The following SPEF2 variants were observed in gnomAD, a reference collection of about 807,000 sequenced individuals.
SPEF2 encodes the protein sperm flagella and cilia-associated protein 2.
A neutral mutation model predicts 224.6 loss-of-function variants in SPEF2; 187 were observed. The ratio of observed to expected loss-of-function variants is 0.83; its 90% confidence interval spans 0.74 to 0.94. The LOEUF (loss-of-function observed/expected upper bound fraction) is 0.94, where lower values mean the gene tolerates loss of function less well. SPEF2 is among the 40% of genes least tolerant of loss of function. The probability of loss-of-function intolerance (pLI) is 0.00; values close to 1 mark genes in which losing one functional copy is unlikely to be tolerated. For synonymous variants in SPEF2, 715 were observed against 707.3 expected, an observed-to-expected ratio of 1.01 and a Z score of -0.17; for missense variants, 2,170 against 2,135.6, an observed-to-expected ratio of 1.02 and a Z score of -0.32.
At chr5:35,769,148 T>A (rs1343100586) in intron 26 of SPEF2, among the ~76,000 whole-genome samples, 5 of 152,108 alleles carry the variant, frequency 3.3e-5, no homozygotes, top group African/African-American at 1.2e-4. Context: ...ACAATTATGA[T>A]GCATAATTAT....
chr5:35,742,801 T>C (rs1413410894), intron 23 of SPEF2, among the ~76,000 whole-genome samples: 1 of 151,856 alleles, frequency 6.6e-6, no homozygotes, highest in Non-Finnish European at 1.5e-5. Flanking sequence ...ATATTCCCAG[T>C]TTGATGTTTG....
intron 30 of SPEF2, 106 bp from the exon 31 acceptor site, chr5:35,792,234 A>G: frequency 1.5e-6 from 1 of 679,434 alleles, no homozygotes. Flanking sequence ...ATTTTATATA[A>G]TATGAATAAA....
intron 8 of SPEF2, among the ~76,000 whole-genome samples, chr5:35,661,254 T>TTATATATATATATATATATA (rs550178866): frequency 1.1e-5 from 1 of 93,996 alleles, no homozygotes; most frequent in Non-Finnish European, 2.2e-5. Context: ...TTGGTATATA[T>TTATATATATATATATATATA]TATATATATA....
chr5:35,689,706 CTA>C (rs1754168819), intron 10 of SPEF2, among the ~76,000 whole-genome samples: 2 of 152,270 alleles, frequency 1.3e-5, no homozygotes, highest in South Asian at 4.2e-4. Context: ...TGGCTGTGCA[CTA>C]TTCCATGGTA....
At chr5:35,803,825 A>G (rs905322399) in intron 34 of SPEF2, among the ~76,000 whole-genome samples, 1 of 152,222 alleles carries the variant, frequency 6.6e-6, no homozygotes, top group Non-Finnish European at 1.5e-5. Flanking sequence ...CCAGCATTTC[A>G]TTCTTCTTTA....
intron 20 of SPEF2, among the ~76,000 whole-genome samples, chr5:35,721,663 T>C (rs994494450): frequency 6.6e-6 from 1 of 152,176 alleles, no homozygotes. Flanking sequence ...TTAAAAAAAG[T>C]ATTTGATCCA....
Position 35,769,999 on chromosome 5 carries a change from G to C in SPEF2, c.3802-1610G>C, listed in dbSNP as rs1270446296. Reference sequence around the variant, plus strand: ...GCTACTGCCTCCATAATGTGTGTGTGTGTGTGTGTGTGTGTGTGTGTGTGC... The same window carrying C: ...GCTACTGCCTCCATAATGTGTGTGTCTGTGTGTGTGTGTGTGTGTGTGTGC... On this transcript the variant is annotated intron_variant, in intron 26 of 36. Transcript: ENST00000356031. 1.2e-3 allele frequency among the ~76,000 whole-genome samples: 171 copies of C among 137,470 alleles called. 1 individual carries two copies. Among genetic ancestry groups the C allele is most frequent in the African/African-American group, 5.0e-3 (160 of 31,854 alleles). The allele number at this position is 137,470 out of a possible 152,430, so 90.2% of individuals were successfully genotyped here.
At chr5:35,687,372 G>T (rs936177651) in intron 10 of SPEF2, among the ~76,000 whole-genome samples, 2 of 150,800 alleles carry the variant, frequency 1.3e-5, no homozygotes, top group African/African-American at 4.9e-5. Context: ...AAGTGCTTTC[G>T]TAACTTACAA....
intron 20 of SPEF2, among the ~76,000 whole-genome samples, chr5:35,717,934 C>G (rs1742911222): frequency 1.3e-5 from 2 of 152,196 alleles, no homozygotes; most frequent in South Asian, 4.1e-4. Context: ...AAATGGCAGT[C>G]AGAGCTCCCT....
chr5:35,737,903 A>G (rs538723219), intron 21 of SPEF2, among the ~76,000 whole-genome samples: 2 of 152,250 alleles, frequency 1.3e-5, no homozygotes, highest in African/African-American at 2.4e-5. Context: ...AATGATTGCC[A>G]TTCTAACTGG....
intron 20 of SPEF2, among the ~76,000 whole-genome samples, chr5:35,722,457 T>G (rs1743871133): frequency 7.2e-5 from 1 of 13,950 alleles, no homozygotes; most frequent in Non-Finnish European, 2.6e-4. Flanking sequence ...AGTGAGAGGT[T>G]TTTTTTTGTT....
chr5:35,730,466 G>C (rs1173151243), intron 21 of SPEF2, among the ~76,000 whole-genome samples: 1 of 152,258 alleles, frequency 6.6e-6, no homozygotes, highest in Non-Finnish European at 1.5e-5. Flanking sequence ...GGGCCACAGG[G>C]CCATGTGTGC....
At chr5:35,770,019 G>A (rs1430371388) in intron 26 of SPEF2, among the ~76,000 whole-genome samples, 3 of 134,580 alleles carry the variant, frequency 2.2e-5, no homozygotes, top group African/African-American at 6.5e-5. Flanking sequence ...GTGTGTGTGT[G>A]TGTGCATGTG....
chr5:35,806,669 T>G, intron 34 of SPEF2, 38 bp from the exon 35 acceptor site: 1 of 1,577,276 alleles, frequency 6.3e-7, no homozygotes, highest in Non-Finnish European at 8.6e-7. Flanking sequence ...GGAAAAAACT[T>G]CAGTTTAACT....
intron 5 of SPEF2, among the ~76,000 whole-genome samples, chr5:35,647,171 A>G (rs1266570294): frequency 6.6e-6 from 1 of 152,176 alleles, no homozygotes; most frequent in East Asian, 1.9e-4. Flanking sequence ...AGGCTGGGTA[A>G]TTTTTAAAGA....
At chr5:35,679,365 T>C (rs1752464845) in intron 10 of SPEF2, among the ~76,000 whole-genome samples, 1 of 152,052 alleles carries the variant, frequency 6.6e-6, no homozygotes. Context: ...CCTTTGAGCA[T>C]GCCAATGATC....
At chr5:35,685,542 A>G (rs1234664873) in intron 10 of SPEF2, among the ~76,000 whole-genome samples, 1 of 152,134 alleles carries the variant, frequency 6.6e-6, no homozygotes, top group Non-Finnish European at 1.5e-5. Flanking sequence ...TCTTACTTCA[A>G]GTTATTTAAA....
intron 24 of SPEF2, 21 bp downstream of exon 24, chr5:35,753,782 T>A (rs1386676613): frequency 6.2e-7 from 1 of 1,613,724 alleles, no homozygotes; most frequent in Non-Finnish European, 8.5e-7. Context: ...CTGGTCACAA[T>A]AACCCAGGCA....
intron 2 of SPEF2, among the ~76,000 whole-genome samples, chr5:35,638,631 C>G (rs1430099034): frequency 6.6e-6 from 1 of 152,090 alleles, no homozygotes. Flanking sequence ...ACATCCCTTT[C>G]CTTATTACAT....
Sources: allele counts gnomAD v4.1 joint callset (sites outside exome capture counted in the v4.1 genomes callset), GRCh38; gene constraint gnomAD v4.1.1; transcripts MANE v1.5; gene names NCBI Gene and HGNC (gene_info 2026-07-23, HGNC 2026-07-21).